EXT2: variants seen among roughly 807,000 people sequenced by gnomAD.
The protein encoded by EXT2 is exostosin glycosyltransferase 2.
EXT2 carries 53 observed loss-of-function variants against 81.6 expected under a neutral mutation model. The ratio of observed to expected loss-of-function variants is 0.65; its 90% confidence interval spans 0.52 to 0.82. The LOEUF (loss-of-function observed/expected upper bound fraction) is 0.82, where lower values mean the gene tolerates loss of function less well. Among genes scored for constraint, EXT2 ranks in the 40% least tolerant of loss-of-function variants. EXT2 has a pLI of 0.00. For synonymous variants in EXT2, 320 were observed against 340.0 expected, an observed-to-expected ratio of 0.94 and a Z score of 0.65; for missense variants, 774 against 910.2, an observed-to-expected ratio of 0.85 and a Z score of 1.93.
chr11:44,225,227 A>G (rs988797040), intron 10 of EXT2, among the ~76,000 whole-genome samples: 3 of 151,990 alleles, frequency 2.0e-5, no homozygotes, highest in Non-Finnish European at 2.9e-5. Context: ...GAAAAATAGT[A>G]TTTGGGGTTA....
intron 1 of EXT2, among the ~76,000 whole-genome samples, chr11:44,107,456 C>T (rs1483303185): frequency 5.9e-5 from 9 of 151,902 alleles, no homozygotes; most frequent in Admixed American, 1.3e-4. Flanking sequence ...ATTAGCTGGG[C>T]GTGGTGGTCA....
intron 7 of EXT2, among the ~76,000 whole-genome samples, chr11:44,160,336 G>A (rs2135103644): frequency 6.6e-6 from 1 of 152,336 alleles, no homozygotes; most frequent in South Asian, 2.1e-4. Context: ...AGTTTCCAAG[G>A]CAGCTGTTTG....
At chr11:44,233,707 G>A (rs1340841441) in intron 11 of EXT2, among the ~76,000 whole-genome samples, 1 of 152,030 alleles carries the variant, frequency 6.6e-6, no homozygotes, top group African/African-American at 2.4e-5. Context: ...TATTTTTCAG[G>A]TCTCTAGATC....
chr11:44,164,905 G>C (rs1044954748), intron 7 of EXT2, among the ~76,000 whole-genome samples: 1 of 145,316 alleles, frequency 6.9e-6, no homozygotes, highest in Non-Finnish European at 1.5e-5. Flanking sequence ...TTGAGACGGA[G>C]TCTCGCTCTG....
At chr11:44,216,273 C>A (rs1955718543) in intron 10 of EXT2, among the ~76,000 whole-genome samples, 1 of 152,200 alleles carries the variant, frequency 6.6e-6, no homozygotes, top group Non-Finnish European at 1.5e-5. Flanking sequence ...GACCAAGTGA[C>A]TTCCTGAGAT....
intron 7 of EXT2, among the ~76,000 whole-genome samples, chr11:44,150,459 A>T (rs1954777913): frequency 6.6e-6 from 1 of 152,224 alleles, no homozygotes; most frequent in Admixed American, 6.5e-5. Flanking sequence ...AATTGAGATT[A>T]AATCCTAGGA....
chr11:44,138,368 C>CT (rs1235129281), intron 7 of EXT2, among the ~76,000 whole-genome samples: 3 of 152,070 alleles, frequency 2.0e-5, no homozygotes, highest in African/African-American at 7.2e-5. Flanking sequence ...CAAGTAAGCC[C>CT]TAGAGTTGCA....
In EXT2 at chr11:44,232,430, G is replaced by A. The variant is rs1564986609; in HGVS notation, c.1740G>A (p.Trp580Ter). The A allele has an allele frequency of 3.1e-6, 5 of 1,613,972 alleles. No individual in the cohort carries two copies. The South Asian group carries it at 4.4e-5, about 14-fold the overall frequency. The change falls in exon 11 of 14, where the codon TGG becomes TGA. Residue 580 changes from tryptophan (W) to a stop codon, truncating the protein, a stop_gained. Transcript: ENST00000533608. LOFTEE classifies it high-confidence loss of function. ...TCTGGGACCATGAGATGAATAAGTG[G>A]AAGTATGAGTCTGAGTGGACGAATG... ...LHLWDHEMNK[W>*]KYESEWTNEV...
At chr11:44,191,081 C>A (rs942161418) in intron 8 of EXT2, among the ~76,000 whole-genome samples, 2 of 152,246 alleles carry the variant, frequency 1.3e-5, no homozygotes, top group Admixed American at 1.3e-4. Flanking sequence ...TCACTAGTGT[C>A]TGCACACTAC....
chr11:44,134,041 A>C (rs1770887469), intron 7 of EXT2, among the ~76,000 whole-genome samples: 1 of 152,250 alleles, frequency 6.6e-6, no homozygotes, highest in Non-Finnish European at 1.5e-5. Context: ...TTTGAAAAAA[A>C]GTACAACCTG....
At chr11:44,229,985 A>C (rs1955880122) in intron 10 of EXT2, among the ~76,000 whole-genome samples, 1 of 152,234 alleles carries the variant, frequency 6.6e-6, no homozygotes, top group Admixed American at 6.5e-5. Context: ...GAAAATACAT[A>C]ATAAACAATA....
chr11:44,196,094 ACTTAATATTTTAATG>A (rs1265022138), intron 8 of EXT2, among the ~76,000 whole-genome samples: 1 of 152,208 alleles, frequency 6.6e-6, no homozygotes, highest in Non-Finnish European at 1.5e-5. Flanking sequence ...TATTAAAAGT[ACTTAATATTTTAATG>A]GTAGCAAAGA....
intron 10 of EXT2, among the ~76,000 whole-genome samples, chr11:44,227,973 A>G (rs1303902011): frequency 6.6e-6 from 1 of 152,254 alleles, no homozygotes. Flanking sequence ...TCCTTACAAC[A>G]GCCCTATGAT....
chr11:44,160,023 G>C (rs1282244618), intron 7 of EXT2, among the ~76,000 whole-genome samples: 1 of 152,226 alleles, frequency 6.6e-6, no homozygotes, highest in Non-Finnish European at 1.5e-5. Flanking sequence ...AAATGCTCTG[G>C]TATATTTCAG....
In EXT2 at chr11:44,250,206, G is replaced by A. The variant is rs1956127941; in HGVS notation, c.*5919G>A. 6.6e-6 allele frequency among the ~76,000 whole-genome samples: 1 copy of A among 152,246 alleles called. No homozygotes were observed. Among genetic ancestry groups the A allele is most frequent in the African/African-American group, 2.4e-5 (1 of 41,466 alleles). On this transcript the variant is annotated 3_prime_UTR_variant, in exon 14 of 14. Transcript: ENST00000533608. Reference sequence around the variant, plus strand: ...GAGTTCTTGAGCTTGGTAAGATGATGTGAGTCCATCAGTGGCCCAGGACTC... The same window carrying A: ...GAGTTCTTGAGCTTGGTAAGATGATATGAGTCCATCAGTGGCCCAGGACTC...
rs1590618958 is a variant in EXT2, at chr11:44,171,696, C to CAT, written c.1262_1263dup (p.Ala422MetfsTer15). On this transcript the variant is annotated frameshift_variant, in exon 8 of 14. Transcript: ENST00000533608. LOFTEE classifies it high-confidence loss of function. ...CAGATTATCAATGACCGGATCTATC[C>CAT]ATATGCTGCCATCTCCTATGAAGAA... 1 of 1,614,070 alleles carries CAT rather than the reference C, an allele frequency of 6.2e-7. No homozygotes were observed. The highest frequency in any genetic ancestry group is 8.5e-7 in the Non-Finnish European group (1 of 1,179,932).
intron 1 of EXT2, among the ~76,000 whole-genome samples, chr11:44,104,231 AGAATAACAGAGTAGAAAAATGGAGGG>A (rs1954023836): frequency 6.6e-6 from 1 of 152,176 alleles, no homozygotes; most frequent in African/African-American, 2.4e-5. Context: ...AAAAAGCAAT[AGAATAACAGAGTAGAAAAATGGAGGG>A]TTCATTGCGT....
At chr11:44,217,205 G>T (rs562912806) in intron 10 of EXT2, among the ~76,000 whole-genome samples, 2 of 151,856 alleles carry the variant, frequency 1.3e-5, no homozygotes, top group African/African-American at 2.4e-5. Context: ...CTTCTTTGGG[G>T]TGTTAAATGT....
At chr11:44,098,609 C>T (rs569112946) in intron 1 of EXT2, among the ~76,000 whole-genome samples, 5 of 150,704 alleles carry the variant, frequency 3.3e-5, no homozygotes, top group East Asian at 3.9e-4. Context: ...GCACGAGAAT[C>T]GCTTGAACCC....
Sources: gnomAD v4.1 joint callset for allele counts (sites outside exome capture counted in the v4.1 genomes callset) on GRCh38, gnomAD v4.1.1 for gene constraint, MANE v1.5 for transcripts, NCBI Gene and HGNC (gene_info 2026-07-23, HGNC 2026-07-21) for gene names.